The following GET1 variants were observed in gnomAD, a reference collection of about 807,000 sequenced individuals.
GET1 encodes congenital heart disease 5 protein.
In GET1, 20 loss-of-function variants were observed where a neutral mutation model predicts 22.6. The ratio of observed to expected loss-of-function variants is 0.89; its 90% CI spans 0.62 to 1.29. The LOEUF (loss-of-function observed/expected upper bound fraction) is 1.29, where lower values mean the gene tolerates loss of function less well. Among genes scored for constraint, GET1 ranks in the 50% most tolerant of loss-of-function variants. GET1 has a pLI of 0.00. For missense variants in GET1, 209 were observed against 219.9 expected, an observed-to-expected ratio of 0.95 and a Z score of 0.31; for synonymous variants, 92 against 83.8, an observed-to-expected ratio of 1.10 and a Z score of -0.53.
At chr21:39,407,864 C>T (rs2039368781), downstream of GET1, 1 of 152,276 alleles carries the variant, frequency 6.6e-6, no homozygotes, top group Non-Finnish European at 1.5e-5. Flanking sequence ...CACAGTGCAA[C>T]TGCAACTGAC....
intron 1 of GET1, among the ~76,000 whole-genome samples, chr21:39,389,092 C>CTCCCTTCT (rs1450026334): frequency 3.9e-5 from 6 of 152,166 alleles, no homozygotes; most frequent in African/African-American, 1.4e-4. Context: ...CCCTCCCTTC[C>CTCCCTTCT]TCCCTTCTTC....
chr21:39,399,914 T>A (rs908387439), downstream of GET1, among the ~76,000 whole-genome samples: 6 of 149,084 alleles, frequency 4.0e-5, no homozygotes, highest in Admixed American at 1.3e-4. Flanking sequence ...TTTTTTAATT[T>A]TTTTTTTTTT....
At chr21:39,417,858 C>G (rs186524739) in intron 1 of GET1, among the ~76,000 whole-genome samples, 1 of 152,240 alleles carries the variant, frequency 6.6e-6, no homozygotes, top group South Asian at 2.1e-4. Context: ...CTCCGCCTCC[C>G]GAGTTCACAC....
Position 39,391,652 on chromosome 21 carries a change from A to G in GET1, c.269-117A>G, listed in dbSNP as rs1197236044. 4.1e-6 allele frequency: 4 copies of G among 980,698 alleles called. No homozygotes were observed. In the Admixed American group the frequency reaches 7.3e-5, roughly 18 times the overall value. The allele number at this position is 980,698 out of a possible 1,614,324, so 60.7% of individuals were successfully genotyped here. A position where few individuals can be genotyped will look rare whatever the true frequency, so the allele number is the denominator to read the frequency against. ...TTATATTTTCTAAATATGTTGAGCGATTGTTCCATTTATAATCAGAAAGTG... is the reference window on the plus strand; with the variant it reads ...TTATATTTTCTAAATATGTTGAGCGGTTGTTCCATTTATAATCAGAAAGTG... On this transcript the variant is annotated intron_variant, in intron 2 of 4. Transcript: ENST00000649170.
intron 1 of GET1, among the ~76,000 whole-genome samples, chr21:39,418,483 A>G (rs184634500): frequency 8.9e-4 from 135 of 152,164 alleles, no homozygotes; most frequent in Admixed American, 4.9e-3. Context: ...TCTGTTAAAA[A>G]TGGTTATTTT....
chr21:39,396,477 A>G (rs1308853167), intron 4 of GET1, among the ~76,000 whole-genome samples: 1 of 151,880 alleles, frequency 6.6e-6, no homozygotes, highest in East Asian at 1.9e-4. Context: ...GCAGTGAGCC[A>G]AGATCGCGCC....
At chr21:39,426,214 G>GT (rs1316199191) in intron 1 of GET1, among the ~76,000 whole-genome samples, 39 of 152,066 alleles carry the variant, frequency 2.6e-4, no homozygotes, top group Admixed American at 2.5e-3. Flanking sequence ...CTTCAGAAAG[G>GT]TAAGTACACC....
chr21:39,413,268 C>T (rs561873311), intron 1 of GET1, among the ~76,000 whole-genome samples: 1 of 152,194 alleles, frequency 6.6e-6, no homozygotes, highest in East Asian at 1.9e-4. Context: ...TTCTCTCATG[C>T]CCAGGATGCC....
At chr21:39,415,054 A>G (rs1335520271) in intron 1 of GET1, among the ~76,000 whole-genome samples, 2 of 152,180 alleles carry the variant, frequency 1.3e-5, no homozygotes, top group South Asian at 4.1e-4. Flanking sequence ...GGCTTGTGCC[A>G]CCATGCCCAG....
At chr21:39,428,459 T>C (rs766619782) in exon 2 of GET1, 1 of 1,610,096 alleles carries the variant, frequency 6.2e-7, no homozygotes, top group Non-Finnish European at 8.5e-7. Flanking sequence ...GAAATGCTCA[T>C]CTATATTTGT....
Position 39,414,738 on chromosome 21 carries a change from C to CTGTGTGTGTGTGTG in GET1, c.*23+3802_*23+3803insGTGTGTGTGTGTGT, listed in dbSNP as rs763309098. ...CCTCTCTCTCTCTCTCTCTCTCTCT[C>CTGTGTGTGTGTGTG]TCTCTGTGTGTGTGTGTGTGTGTGT... On this transcript the variant is annotated intron_variant, in intron 1 of 1. Transcript: ENST00000478273. Among the ~76,000 whole-genome samples, 754 of 107,228 alleles carry CTGTGTGTGTGTGTG rather than the reference C, an allele frequency of 7.0e-3. 5 individuals are homozygous for CTGTGTGTGTGTGTG. The highest frequency in any genetic ancestry group is 0.016 in the African/African-American group (408 of 25,564). The allele number at this position is 107,228 out of a possible 152,430, so 70.3% of individuals were successfully genotyped here.
intron 1 of GET1, chr21:39,423,379 G>GA: frequency 6.2e-7 from 1 of 1,611,892 alleles, no homozygotes; most frequent in Middle Eastern, 1.6e-4. Flanking sequence ...AAGCCTTGCT[G>GA]AGAGTATTCG....
At chr21:39,402,357 G>A (rs1377156472), downstream of GET1, among the ~76,000 whole-genome samples, 2 of 152,030 alleles carry the variant, frequency 1.3e-5, no homozygotes, top group Admixed American at 6.6e-5. Flanking sequence ...TGCCTGCCTC[G>A]GCCTCCCAAA....
At chr21:39,406,572 C>T (rs963048670) in exon 5 of GET1, 1 of 1,603,060 alleles carries the variant, frequency 6.2e-7, no homozygotes, top group African/African-American at 1.4e-5. Flanking sequence ...TATTCTCCAG[C>T]AGTATTTGGA....
At chr21:39,428,192 G>GA in intron 1 of GET1, 1 of 1,581,274 alleles carries the variant, frequency 6.3e-7, no homozygotes, top group Non-Finnish European at 8.6e-7. Flanking sequence ...GGAGATTTTA[G>GA]AAACATTATA....
chr21:39,385,892 T>C (rs1178333785), intron 1 of GET1, among the ~76,000 whole-genome samples: 1 of 149,656 alleles, frequency 6.7e-6, no homozygotes, highest in Non-Finnish European at 1.5e-5. Flanking sequence ...GCTCAGAGTC[T>C]ATGCAAACCG....
At chr21:39,428,122 ACAT>A (rs1434264682) in intron 1 of GET1, 1 of 1,071,328 alleles carries the variant, frequency 9.3e-7, no homozygotes, top group Non-Finnish European at 1.4e-6. Context: ...CAGTAAAATA[ACAT>A]CATTATGACA....
chr21:39,403,812 G>A (rs2038909965), intron 4 of GET1, among the ~76,000 whole-genome samples: 1 of 151,632 alleles, frequency 6.6e-6, no homozygotes, highest in African/African-American at 2.4e-5. Context: ...AGTAGAGACG[G>A]GGTTTCACCA....
At chr21:39,420,101 G>A (rs930412216) in intron 1 of GET1, among the ~76,000 whole-genome samples, 1 of 152,184 alleles carries the variant, frequency 6.6e-6, no homozygotes, top group East Asian at 1.9e-4. Context: ...CCTTGTTAAT[G>A]AATAGAGTTT....
Sources: gnomAD v4.1 joint callset for allele counts (sites outside exome capture counted in the v4.1 genomes callset) on GRCh38, gnomAD v4.1.1 for gene constraint, MANE v1.5 for transcripts, NCBI Gene and HGNC (gene_info 2026-07-23, HGNC 2026-07-21) for gene names.